The following PDE1C variants were observed in gnomAD, a reference collection of about 807,000 sequenced individuals.
The protein encoded by PDE1C is dual specificity calcium/calmodulin-dependent 3',5'-cyclic nucleotide phosphodiesterase 1C.
A neutral mutation model predicts 93.1 loss-of-function variants in PDE1C; 62 were observed. That is an observed-to-expected ratio of 0.67 (90% CI 0.54 to 0.82). The LOEUF (loss-of-function observed/expected upper bound fraction) is 0.82. PDE1C is among the 40% of genes least tolerant of loss of function. The pLI is 0.00. For synonymous variants in PDE1C, 325 were observed against 310.1 expected, an observed-to-expected ratio of 1.05 and a Z score of -0.50; for missense variants, 742 against 884.6, an observed-to-expected ratio of 0.84 and a Z score of 2.04.
intron 1 of PDE1C, among the ~76,000 whole-genome samples, chr7:32,211,515 T>TA (rs1006785303): frequency 6.7e-5 from 10 of 149,800 alleles, no homozygotes; most frequent in African/African-American, 2.2e-4. Context: ...AGCTAAGTAT[T>TA]AAAAAAATCT....
chr7:31,947,240 G>A (rs900091842), intron 2 of PDE1C, among the ~76,000 whole-genome samples: 1 of 152,142 alleles, frequency 6.6e-6, no homozygotes, highest in Non-Finnish European at 1.5e-5. Context: ...TACAAAGACT[G>A]AATATGAGAC....
intron 17 of PDE1C, among the ~76,000 whole-genome samples, chr7:31,768,942 C>A (rs1044069460): frequency 6.6e-6 from 1 of 152,052 alleles, no homozygotes; most frequent in Non-Finnish European, 1.5e-5. Flanking sequence ...ACCACAGGCA[C>A]GTGCCACCAC....
intron 3 of PDE1C, among the ~76,000 whole-genome samples, chr7:32,143,747 T>TC (rs1310528733): frequency 6.6e-6 from 1 of 152,220 alleles, no homozygotes. Context: ...GTCCTCTTTT[T>TC]CTGCCAAATT....
intron 2 of PDE1C, among the ~76,000 whole-genome samples, chr7:31,934,910 C>G (rs990065010): frequency 1.3e-5 from 2 of 152,080 alleles, no homozygotes; most frequent in African/African-American, 4.8e-5. Context: ...TCCAATATTA[C>G]AATTTCATGG....
the PDE1C span, among the ~76,000 whole-genome samples, chr7:31,624,968 G>C: frequency 6.6e-6 from 1 of 152,212 alleles, no homozygotes; most frequent in African/African-American, 2.4e-5. Context: ...CAAAGGACAT[G>C]AATAGACACT....
chr7:32,012,080 G>C (rs1051512909), intron 2 of PDE1C, among the ~76,000 whole-genome samples: 1 of 152,164 alleles, frequency 6.6e-6, no homozygotes, highest in African/African-American at 2.4e-5. Flanking sequence ...AGCTGCAAAA[G>C]AGCACACTAT....
chr7:31,985,457 A>T (rs758426549), intron 2 of PDE1C, among the ~76,000 whole-genome samples: 10 of 152,026 alleles, frequency 6.6e-5, no homozygotes, highest in Non-Finnish European at 1.0e-4. Context: ...AGTTCTAGGG[A>T]ACATGTGCAC....
At chr7:31,723,832 GGCTGTGTCTCTCC>G in the PDE1C span, among the ~76,000 whole-genome samples, 2 of 152,168 alleles carry the variant, frequency 1.3e-5, no homozygotes, top group Non-Finnish European at 2.9e-5. Flanking sequence ...TGGCCTCTCT[GGCTGTGTCTCTCC>G]GCTCCTGACC....
intron 1 of PDE1C, chr7:32,298,571 C>T (rs1348491399): frequency 2.0e-6 from 3 of 1,506,292 alleles, no homozygotes; most frequent in Non-Finnish European, 2.7e-6. Context: ...TCCCCCTGCC[C>T]GCTTAGAAAG....
At chr7:32,244,899 G>A (rs1251689734) in intron 1 of PDE1C, among the ~76,000 whole-genome samples, 2 of 152,228 alleles carry the variant, frequency 1.3e-5, no homozygotes, top group Non-Finnish European at 2.9e-5. Context: ...CAGTTGGTGA[G>A]CACACTGCCT....
chr7:32,194,715 C>T (rs945923677), intron 2 of PDE1C, among the ~76,000 whole-genome samples: 2 of 152,186 alleles, frequency 1.3e-5, no homozygotes, highest in African/African-American at 4.8e-5. Flanking sequence ...TGTTTTTTAA[C>T]CCACTCTGCC....
At chr7:31,854,461 A>G (rs990057281) in intron 7 of PDE1C, among the ~76,000 whole-genome samples, 2 of 152,214 alleles carry the variant, frequency 1.3e-5, no homozygotes, top group Non-Finnish European at 2.9e-5. Context: ...GTATTTTCCT[A>G]TCTACAAAAT....
the PDE1C span, chr7:31,696,014 G>A: frequency 6.5e-6 from 1 of 154,228 alleles, no homozygotes; most frequent in Non-Finnish European, 1.4e-5. Flanking sequence ...ACAGAGTGGA[G>A]GACTGACAGG....
intron 16 of PDE1C, among the ~76,000 whole-genome samples, chr7:31,793,608 G>C (rs1784829166): frequency 6.7e-6 from 1 of 149,544 alleles, no homozygotes; most frequent in Admixed American, 6.7e-5. Context: ...TGAAGAATAA[G>C]TGTAGAGAAA....
chr7:31,959,199 GTTGT>G (rs138410002), intron 2 of PDE1C, among the ~76,000 whole-genome samples: 24,135 of 151,548 alleles, frequency 0.16, 2,169 homozygotes, highest in Admixed American at 0.27. Context: ...TTTTTGTTTT[GTTGT>G]TTGTTTGTTT....
intron 2 of PDE1C, among the ~76,000 whole-genome samples, chr7:31,967,350 G>C (rs574098885): frequency 4.6e-5 from 7 of 152,256 alleles, no homozygotes; most frequent in African/African-American, 1.7e-4. Context: ...AAATAAACTA[G>C]AAAATCTAGA....
chr7:31,633,446 G>A, the PDE1C span, among the ~76,000 whole-genome samples: 2 of 152,286 alleles, frequency 1.3e-5, no homozygotes, highest in Non-Finnish European at 2.9e-5. Flanking sequence ...TGTTCTGGAA[G>A]GGAGGTGGCA....
intron 1 of PDE1C, among the ~76,000 whole-genome samples, chr7:32,210,960 T>TA (rs1805979692): frequency 6.6e-6 from 1 of 152,294 alleles, no homozygotes; most frequent in African/African-American, 2.4e-5. Context: ...CTCACGCCTG[T>TA]AGTCCGGCAC....
chr7:31,673,838 G>A, the PDE1C span, among the ~76,000 whole-genome samples: 1 of 152,020 alleles, frequency 6.6e-6, no homozygotes, highest in Non-Finnish European at 1.5e-5. Flanking sequence ...TAATATCAGA[G>A]CGTGAATTTT....
Sources: gnomAD v4.1 joint callset for allele counts (sites outside exome capture counted in the v4.1 genomes callset) on GRCh38, gnomAD v4.1.1 for gene constraint, MANE v1.5 for transcripts, NCBI Gene and HGNC (gene_info 2026-07-23, HGNC 2026-07-21) for gene names.